Variants in NRDC observed in about 807,000 individuals in gnomAD.
The protein encoded by NRDC is nardilysin convertase.
Under a neutral mutation model 147.1 loss-of-function variants are expected in NRDC, and 54 were observed. That is an observed-to-expected ratio of 0.37 (90% CI 0.29 to 0.46). The LOEUF (loss-of-function observed/expected upper bound fraction) is 0.46. NRDC is among the 20% of genes least tolerant of loss of function. The probability of loss-of-function intolerance (pLI) is 1.00; values close to 1 mark genes in which losing one functional copy is unlikely to be tolerated. For missense variants in NRDC, 1,082 were observed against 1,370.6 expected (o/e 0.79, Z 3.33); for synonymous variants, 440 against 482.1 (o/e 0.91, Z 1.14).
intron 9 of NRDC, among the ~76,000 whole-genome samples, chr1:51,818,812 A>G (rs938464714): frequency 2.0e-5 from 3 of 152,204 alleles, no homozygotes; most frequent in South Asian, 2.1e-4. Flanking sequence ...GATAGAATAA[A>G]GAGAGATGGT....
intron 10 of NRDC, 43 bp downstream of exon 10, chr1:51,818,023 C>A (rs764173158): frequency 1.3e-5 from 19 of 1,439,284 alleles, no homozygotes; most frequent in Admixed American, 9.2e-5. Context: ...AAAAATTACT[C>A]TCACTTGGTT....
intron 21 of NRDC, 43 bp downstream of exon 21, chr1:51,800,513 C>G (rs763687357): frequency 1.9e-6 from 3 of 1,608,004 alleles, no homozygotes; most frequent in Non-Finnish European, 2.6e-6. Context: ...GAGAGTAATA[C>G]TTTCAGGTCC....
chr1:51,816,295 A>G lies in NRDC; in HGVS notation c.1439+17T>C, dbSNP rs757707184. The G allele has an allele frequency of 6.5e-7, 1 of 1,544,550 alleles. No homozygotes were observed. ...AGAGATTGCTATACTGAAAATACTT[A>G]TTAATTGAATACTTGCTTTTTCCTA... On this transcript the variant is annotated intron_variant, in intron 11 of 30. Transcript: ENST00000352171.
chr1:51,871,515 TAAA>T (rs60495773), intron 1 of NRDC, among the ~76,000 whole-genome samples: 1,158 of 20,724 alleles, frequency 0.056, 1 homozygote, highest in African/African-American at 0.063. Context: ...ACTGGTTCAT[TAAA>T]AAAAAAAAAA....
chr1:51,858,297 T>C (rs1388821123), intron 1 of NRDC, among the ~76,000 whole-genome samples: 3 of 152,082 alleles, frequency 2.0e-5, no homozygotes, highest in East Asian at 1.9e-4. Flanking sequence ...CTATGCAACA[T>C]AGTGAGATCT....
At chr1:51,831,802 T>A (rs1435389276) in intron 4 of NRDC, among the ~76,000 whole-genome samples, 2 of 151,258 alleles carry the variant, frequency 1.3e-5, no homozygotes, top group Admixed American at 1.3e-4. Flanking sequence ...TGGTCTCGAA[T>A]TCCTGGGCTC....
Position 51,803,863 on chromosome 1 carries a change from C to G in NRDC, c.2264G>C (p.Gly755Ala). ...VAQLEYKLVA[G>A]EHGLIIRVKG... ...CACTCGAATAATTAAACCATGTTCT[C>G]CAGCTACCAGTTTATACTCCAGCTG... The change falls in exon 20 of 31, where the codon GGA (glycine) becomes GCA (alanine). Residue 755 changes from glycine to alanine, a missense_variant. Gly to Ala is a moderately conservative substitution (Grantham distance 60). This residue lies in a region of NRDC where 635 missense variants were observed against 923.8 expected (regional missense o/e 0.69). Coordinates refer to ENST00000352171, the MANE Select transcript of NRDC (RefSeq NM_001101662.2). The G allele has an allele frequency of 6.2e-7, 1 of 1,613,838 alleles. No individual in the cohort carries two copies. Among genetic ancestry groups the G allele is most frequent in the Non-Finnish European group, 8.5e-7 (1 of 1,179,846 alleles).
chr1:51,808,083 G>A (rs1225264417), intron 17 of NRDC, among the ~76,000 whole-genome samples: 1 of 152,154 alleles, frequency 6.6e-6, no homozygotes, highest in Admixed American at 6.5e-5. Context: ...TGGGATTACA[G>A]GTATGAGCCA....
chr1:51,868,752 G>A (rs373721945), intron 1 of NRDC, among the ~76,000 whole-genome samples: 6 of 152,068 alleles, frequency 3.9e-5, no homozygotes, highest in East Asian at 1.9e-4. Context: ...CGTGCCTGTC[G>A]TCCCAGCTAC....
At chr1:51,815,442 G>T (rs1321011146) in intron 11 of NRDC, among the ~76,000 whole-genome samples, 1 of 151,986 alleles carries the variant, frequency 6.6e-6, no homozygotes, top group Non-Finnish European at 1.5e-5. Flanking sequence ...GTCTAAGAAA[G>T]AAATAATGAG....
At chr1:51,836,040 G>A in intron 3 of NRDC, 91 bp downstream of exon 3, 1 of 988,318 alleles carries the variant, frequency 1.0e-6, no homozygotes, top group Non-Finnish European at 1.6e-6. Flanking sequence ...TCATACTTCT[G>A]TCAAATCACT....
At chr1:51,856,944 T>C (rs1682278556) in intron 1 of NRDC, among the ~76,000 whole-genome samples, 1 of 150,784 alleles carries the variant, frequency 6.6e-6, no homozygotes, top group Non-Finnish European at 1.5e-5. Context: ...CCAGGAACAA[T>C]GGATGAAAAC....
Position 51,805,541 on chromosome 1 carries a change from T to G in NRDC, c.2131A>C (p.Ile711Leu). The G allele has an allele frequency of 6.3e-7, 1 of 1,589,118 alleles. No individual in the cohort carries two copies. Among genetic ancestry groups the G allele is most frequent in the Non-Finnish European group, 8.5e-7 (1 of 1,172,264 alleles). Reference sequence around the variant, plus strand: ...GCAGATTTCTGTATCAACGGTGAAATTAGATGGAAACGTATATATGCTAAA... The same window carrying G: ...GCAGATTTCTGTATCAACGGTGAAAGTAGATGGAAACGTATATATGCTAAA... ...IPKAYIRFHL[I>L]SPLIQKSAAN... Residue 711 changes from isoleucine (I) to leucine (L), a missense_variant, in exon 19 of 31, where the codon ATT becomes CTT. Transcript: ENST00000352171.
At chr1:51,845,124 A>G (rs997851685) in intron 1 of NRDC, among the ~76,000 whole-genome samples, 1 of 151,444 alleles carries the variant, frequency 6.6e-6, no homozygotes, top group Admixed American at 6.6e-5. Flanking sequence ...CTTTCCCACT[A>G]CTCTTCCTTC....
chr1:51,848,484 A>AATAAT (rs1553214902), intron 1 of NRDC, among the ~76,000 whole-genome samples: 12 of 152,044 alleles, frequency 7.9e-5, no homozygotes, highest in Non-Finnish European at 1.8e-4. Flanking sequence ...CCGTCTCAAA[A>AATAAT]AATAATAATA....
intron 6 of NRDC, 47 bp from the exon 7 acceptor site, chr1:51,823,833 T>C (rs1680318274): frequency 1.4e-6 from 2 of 1,419,012 alleles, no homozygotes; most frequent in African/African-American, 1.4e-5. Context: ...GTTAACTTTG[T>C]TAAAAGTCTT....
At chr1:51,853,544 T>G (rs951003943) in intron 1 of NRDC, among the ~76,000 whole-genome samples, 1 of 152,208 alleles carries the variant, frequency 6.6e-6, no homozygotes, top group Non-Finnish European at 1.5e-5. Flanking sequence ...TGGATGGACT[T>G]TGTTACCTTG....
At chr1:51,793,822 TC>T (rs1678762990) in intron 24 of NRDC, 1 of 152,180 alleles carries the variant, frequency 6.6e-6, no homozygotes, top group African/African-American at 2.4e-5. Context: ...TTAAGGAAGA[TC>T]CCCGTGGTTC....
chr1:51,876,196 T>C (rs1683317920), intron 1 of NRDC, among the ~76,000 whole-genome samples: 1 of 152,168 alleles, frequency 6.6e-6, no homozygotes, highest in Non-Finnish European at 1.5e-5. Context: ...TTATTGAACA[T>C]TTGATCTGGA....
Sources: gnomAD v4.1 joint callset for allele counts (sites outside exome capture counted in the v4.1 genomes callset) on GRCh38, gnomAD v4.1.1 for gene constraint, gnomAD v4.1.1 regional missense constraint, MANE v1.5 for transcripts, NCBI Gene and HGNC (gene_info 2026-07-23, HGNC 2026-07-21) for gene names.